Variants in OPN3 observed in about 807,000 individuals in gnomAD.
The protein encoded by OPN3 is opsin-3.
A neutral mutation model predicts 33.8 loss-of-function variants in OPN3; 29 were observed. The observed-to-expected ratio is 0.86, with a 90% CI of 0.64 to 1.17. The LOEUF (loss-of-function observed/expected upper bound fraction) is 1.17. Ranked by LOEUF, OPN3 falls within the 50% of genes most tolerant of loss-of-function variation. The pLI, the probability that OPN3 is intolerant of heterozygous loss-of-function variation, is 0.00. For missense variants in OPN3, 437 were observed against 514.1 expected (o/e 0.85, Z 1.45); for synonymous variants, 216 against 216.1 (o/e 1.00, Z 0.00).
rs1191121395 is a variant in OPN3, at chr1:241,640,004, CTGA to C, written c.248_250del (p.Ile83del). On this transcript the variant is annotated inframe_deletion, in exon 1 of 4. Coordinates refer to ENST00000366554, the MANE Select transcript of OPN3 (RefSeq NM_014322.3). ...GAGGGACACCAGCAGGTCGCTGAGG[CTGA>C]TGTTGACCAGGAGGAGGTGAGTGGG... 4.3e-6 allele frequency: 7 copies of C among 1,613,166 alleles called. No homozygotes were observed. Among genetic ancestry groups the C allele is most frequent in the Non-Finnish European group, 2.5e-6 (3 of 1,179,692 alleles).
intron 1 of OPN3, chr1:241,633,310 T>C (rs149904773): frequency 5.0e-5 from 8 of 160,286 alleles, no homozygotes; most frequent in African/African-American, 1.2e-4. Flanking sequence ...CCTACCACCA[T>C]GTCTATACAT....
chr1:241,603,372 G>A (rs1175991678), intron 2 of OPN3, among the ~76,000 whole-genome samples: 2 of 152,174 alleles, frequency 1.3e-5, no homozygotes, highest in Admixed American at 1.3e-4. Context: ...ATGAGTCTGT[G>A]TAATAGTCAC....
intron 2 of OPN3, among the ~76,000 whole-genome samples, chr1:241,599,261 AT>A (rs1168535844): frequency 6.6e-6 from 1 of 152,152 alleles, no homozygotes; most frequent in East Asian, 1.9e-4. Context: ...TGCAAAAGTA[AT>A]TGTGGTTTTT....
chr1:241,627,547 C>T (rs1311825372), intron 1 of OPN3, among the ~76,000 whole-genome samples: 1 of 152,154 alleles, frequency 6.6e-6, no homozygotes, highest in Non-Finnish European at 1.5e-5. Context: ...ATGTAGTTGT[C>T]AAGAGAAAAG....
chr1:241,608,461 A>G (rs945905592), intron 1 of OPN3, among the ~76,000 whole-genome samples: 1 of 152,240 alleles, frequency 6.6e-6, no homozygotes, highest in Non-Finnish European at 1.5e-5. Flanking sequence ...CAATAAAAAA[A>G]CAAATCAAAC....
intron 1 of OPN3, chr1:241,634,627 A>G: frequency 6.2e-7 from 1 of 1,613,980 alleles, no homozygotes; most frequent in East Asian, 2.2e-5. Flanking sequence ...CTCCTTGGCC[A>G]TACAAGGGAA....
chr1:241,595,852 G>C (rs1663491194), intron 3 of OPN3, among the ~76,000 whole-genome samples: 1 of 152,176 alleles, frequency 6.6e-6, no homozygotes, highest in Admixed American at 6.5e-5. Context: ...GTTTGGTTAA[G>C]TGTTAAAGAT....
At chr1:241,615,709 G>A (rs888918379) in intron 1 of OPN3, 4 of 392,678 alleles carry the variant, frequency 1.0e-5, no homozygotes, top group South Asian at 1.8e-5. Flanking sequence ...GACTCTATTC[G>A]TGTGCCATCC....
At chr1:241,599,928 T>C (rs1180550797) in intron 2 of OPN3, among the ~76,000 whole-genome samples, 1 of 152,218 alleles carries the variant, frequency 6.6e-6, no homozygotes, top group Non-Finnish European at 1.5e-5. Flanking sequence ...CACTTGTATG[T>C]ATATGTACAT....
At chr1:241,594,852 C>A in intron 3 of OPN3, 161 bp from the exon 4 acceptor site, 1 of 699,514 alleles carries the variant, frequency 1.4e-6, no homozygotes, top group South Asian at 2.0e-5. Context: ...CCTAAATCAC[C>A]CCAGAGCTTT....
chr1:241,623,559 A>G (rs1045657423), intron 1 of OPN3, among the ~76,000 whole-genome samples: 3 of 152,202 alleles, frequency 2.0e-5, no homozygotes, highest in African/African-American at 7.2e-5. Flanking sequence ...AGAGCCATCT[A>G]CTGATCACCC....
intron 1 of OPN3, among the ~76,000 whole-genome samples, chr1:241,612,574 G>T (rs1664025345): frequency 6.6e-6 from 1 of 152,180 alleles, no homozygotes. Flanking sequence ...TATGAGGTCA[G>T]CTTGCTCTCT....
chr1:241,594,823 G>C (rs1308420639), intron 3 of OPN3, 132 bp from the exon 4 acceptor site: 1 of 962,550 alleles, frequency 1.0e-6, no homozygotes, highest in African/African-American at 1.6e-5. Context: ...GTGGGGTTAT[G>C]TGGTCATGCT....
At chr1:241,595,701 G>C (rs1663486724) in intron 3 of OPN3, 2 of 152,052 alleles carry the variant, frequency 1.3e-5, no homozygotes, top group Non-Finnish European at 2.9e-5. Context: ...AGCAAACACT[G>C]CCTGATAATG....
chr1:241,610,564 T>C (rs1024771487), intron 1 of OPN3, among the ~76,000 whole-genome samples: 2 of 152,210 alleles, frequency 1.3e-5, no homozygotes, highest in African/African-American at 4.8e-5. Flanking sequence ...AATAGTTCTT[T>C]CCGGTATAAC....
At position 241,604,374 on chromosome 1, in the gene OPN3, T is replaced by A. The variant is rs970413346; in HGVS notation, c.579A>T (p.Lys193Asn). Residue 193 changes from lysine (K) to asparagine (N), a missense_variant, in exon 2 of 4, where the codon AAA becomes AAT. Transcript: ENST00000366554. ...AGGAGGAATCGTTGGCATCCTTGGA[T>A]TTCCAGTCCACAGTGCAGCCTAGTC... ...VHGLGCTVDW[K>N]SKDANDSSFV... 2 of 1,614,028 alleles carry A rather than the reference T, an allele frequency of 1.2e-6. No homozygotes were observed. The highest frequency in any genetic ancestry group is 1.3e-5 in the African/African-American group (1 of 74,894).
intron 2 of OPN3, among the ~76,000 whole-genome samples, 184 bp from the exon 3 acceptor site, chr1:241,598,181 G>A (rs1231417331): frequency 3.9e-5 from 6 of 152,078 alleles, no homozygotes; most frequent in Admixed American, 6.6e-5. Context: ...TAACCTTGCC[G>A]GGCCTCAGTC....
chr1:241,600,520 C>G (rs948695657), intron 2 of OPN3: 1 of 152,184 alleles, frequency 6.6e-6, no homozygotes, highest in Admixed American at 6.5e-5. Flanking sequence ...TCAGATTGTT[C>G]TCTGGCTGTA....
At chr1:241,612,852 G>A (rs1664033123) in intron 1 of OPN3, among the ~76,000 whole-genome samples, 2 of 152,118 alleles carry the variant, frequency 1.3e-5, no homozygotes, top group Middle Eastern at 3.4e-3. Flanking sequence ...ACCAATCAAT[G>A]ACCCCAATTC....
Sources: allele counts gnomAD v4.1 joint callset (sites outside exome capture counted in the v4.1 genomes callset), GRCh38; gene constraint gnomAD v4.1.1; transcripts MANE v1.5; gene names NCBI Gene and HGNC (gene_info 2026-07-23, HGNC 2026-07-21).